The following C2orf78 variants were observed in gnomAD, a reference collection of about 807,000 sequenced individuals.
The protein encoded by C2orf78 is uncharacterized protein C2orf78.
A neutral mutation model predicts 21.4 loss-of-function variants in C2orf78; 12 were observed. That is an observed-to-expected ratio of 0.56 (90% CI 0.36 to 0.91). The LOEUF is 0.91. C2orf78 is among the 40% of genes least tolerant of loss of function. The probability of loss-of-function intolerance (pLI) is 0.01; values close to 1 mark genes in which losing one functional copy is unlikely to be tolerated. For synonymous variants in C2orf78, 396 were observed against 413.9 expected, an observed-to-expected ratio of 0.96 and a Z score of 0.52; for missense variants, 1,042 against 1,092.4, an observed-to-expected ratio of 0.95 and a Z score of 0.65.
chr2:73,786,095 C>G (rs1477386488), intron 1 of C2orf78, among the ~76,000 whole-genome samples: 1 of 151,544 alleles, frequency 6.6e-6, no homozygotes, highest in African/African-American at 2.4e-5. Flanking sequence ...AATGAGGCTT[C>G]CAGGCAGGGT....
chr2:73,813,942 G>A (rs1673140885), exon 2 of C2orf78: 1 of 1,613,854 alleles, frequency 6.2e-7, no homozygotes, highest in Admixed American at 1.7e-5. Flanking sequence ...CTTGTTCAGG[G>A]GACACTAACT....
chr2:73,808,695 A>C, intron 1 of C2orf78: 1 of 1,502,586 alleles, frequency 6.7e-7, no homozygotes, highest in Non-Finnish European at 8.9e-7. Flanking sequence ...CACCAAACCA[A>C]CTGCCACCTG....
chr2:73,815,269 C>T, exon 3 of C2orf78: 3 of 1,613,928 alleles, frequency 1.9e-6, no homozygotes, highest in Non-Finnish European at 2.5e-6. Flanking sequence ...TTGACACTGT[C>T]TCCAGCTCCA....
Position 73,810,552 on chromosome 2 carries a change from T to C in C2orf78, c.98-2925T>C, listed in dbSNP as rs1302147477. 8.4e-5 allele frequency among the ~76,000 whole-genome samples: 10 copies of C among 118,596 alleles called. 1 individual carries two copies. Among genetic ancestry groups the C allele is most frequent in the South Asian group, 2.6e-4 (1 of 3,774 alleles). The allele number at this position is 118,596 out of a possible 152,430, so 77.8% of individuals were successfully genotyped here. The stretch of plus-strand genomic sequence containing the variant: ...CAAAAAGAAAATATATATATATATA[T>C]ACATAAAATATATATGTATATTTTA... On this transcript the variant is annotated intron_variant, in intron 1 of 2. Coordinates refer to ENST00000409561, the Ensembl canonical transcript of C2orf78.
intron 1 of C2orf78, among the ~76,000 whole-genome samples, chr2:73,784,647 C>G (rs1451097271): frequency 6.6e-6 from 1 of 151,186 alleles, no homozygotes; most frequent in Non-Finnish European, 1.5e-5. Flanking sequence ...ACTGGTTATT[C>G]CCCCTGGCCC....
exon 3 of C2orf78, chr2:73,816,933 T>A: frequency 1.2e-6 from 2 of 1,612,330 alleles, no homozygotes; most frequent in Non-Finnish European, 1.7e-6. Context: ...GAAAGTGCAG[T>A]TTTTCATTGA....
intron 1 of C2orf78, among the ~76,000 whole-genome samples, chr2:73,810,266 C>A (rs1673052197): frequency 6.6e-6 from 1 of 151,868 alleles, no homozygotes. Flanking sequence ...CAGGATGGCT[C>A]ACACCTGTAA....
chr2:73,816,516 G>A, exon 3 of C2orf78: 5 of 1,613,940 alleles, frequency 3.1e-6, no homozygotes, highest in Non-Finnish European at 4.2e-6. Context: ...ATCGAATGCA[G>A]TCAATCCATC....
At chr2:73,810,048 T>A (rs1256074351) in intron 1 of C2orf78, among the ~76,000 whole-genome samples, 2 of 152,114 alleles carry the variant, frequency 1.3e-5, no homozygotes, top group Non-Finnish European at 2.9e-5. Context: ...GAGTGAAATC[T>A]ATTCAAAATA....
chr2:73,817,097 T>G (rs1291017870), exon 3 of C2orf78: 1 of 1,268,888 alleles, frequency 7.9e-7, no homozygotes, highest in Non-Finnish European at 1.0e-6. Context: ...AATAAAGAAA[T>G]GTAATAGAAT....
At chr2:73,815,760 G>T (rs780286528) in exon 3 of C2orf78, 2 of 1,613,640 alleles carry the variant, frequency 1.2e-6, no homozygotes, top group Non-Finnish European at 1.7e-6. Flanking sequence ...TATCCAGGGT[G>T]CTCCCAAGGC....
chr2:73,810,317 G>A (rs1390634532), intron 1 of C2orf78, among the ~76,000 whole-genome samples: 1 of 151,764 alleles, frequency 6.6e-6, no homozygotes, highest in Admixed American at 6.6e-5. Flanking sequence ...GATGACCTGA[G>A]GTCAGTTCAA....
At chr2:73,808,121 G>T (rs1421629322) in intron 1 of C2orf78, among the ~76,000 whole-genome samples, 2 of 150,980 alleles carry the variant, frequency 1.3e-5, no homozygotes, top group Non-Finnish European at 2.9e-5. Context: ...GGCTGAAGTG[G>T]CAGGCGCCTG....
At chr2:73,817,025 G>T in exon 3 of C2orf78, 2 of 1,569,288 alleles carry the variant, frequency 1.3e-6, no homozygotes, top group Non-Finnish European at 1.7e-6. Context: ...TTTGGATACC[G>T]CTGGTTTTCC....
In C2orf78 at chr2:73,807,070, A is replaced by G. The variant is rs1186248001; in HGVS notation, c.98-6407A>G. ...GTGGCGAGTACCTGTAATCCCAGCT[A>G]CTCGGGAGACTAAGGCACGAGAATG... On this transcript the variant is annotated intron_variant, in intron 1 of 2. Transcript: ENST00000409561. Among the ~76,000 whole-genome samples, 2 of 144,386 alleles carry G rather than the reference A, an allele frequency of 1.4e-5. 1 individual carries two copies. The highest frequency in any genetic ancestry group is 3.0e-5 in the Non-Finnish European group (2 of 66,744). The allele number at this position is 144,386 out of a possible 152,430, so 94.7% of individuals were successfully genotyped here.
At chr2:73,813,629 G>T in exon 2 of C2orf78, 1 of 1,614,040 alleles carries the variant, frequency 6.2e-7, no homozygotes, top group Non-Finnish European at 8.5e-7. Flanking sequence ...ACAGCCATCA[G>T]CCTCTGGCAC....
At chr2:73,810,821 T>TA (rs1673072930) in intron 1 of C2orf78, among the ~76,000 whole-genome samples, 1 of 133,758 alleles carries the variant, frequency 7.5e-6, no homozygotes, top group South Asian at 2.2e-4. Flanking sequence ...GTATAATTAA[T>TA]ATACATGTAT....
chr2:73,815,229 A>G (rs541356754), exon 3 of C2orf78: 7 of 1,613,996 alleles, frequency 4.3e-6, no homozygotes, highest in Admixed American at 1.7e-5. Flanking sequence ...GGACATTTCA[A>G]TAACTCCAGT....
At chr2:73,817,040 A>T (rs1461374998) in exon 3 of C2orf78, 1 of 1,482,968 alleles carries the variant, frequency 6.7e-7, no homozygotes. Flanking sequence ...TTTTCCACAT[A>T]TATAGATAGA....
Sources: gnomAD v4.1 joint callset for allele counts (sites outside exome capture counted in the v4.1 genomes callset) on GRCh38, gnomAD v4.1.1 for gene constraint, MANE v1.5 for transcripts, NCBI Gene and HGNC (gene_info 2026-07-23, HGNC 2026-07-21) for gene names.